The following ALK variants were observed in gnomAD, a reference collection of about 807,000 sequenced individuals.
The protein encoded by ALK is ALK receptor tyrosine kinase.
Under a neutral mutation model 163.1 loss-of-function variants are expected in ALK, and 74 were observed. That is an observed-to-expected ratio of 0.45 (90% CI 0.38 to 0.55). The LOEUF is 0.55. Among genes scored for constraint, ALK ranks in the 20% least tolerant of loss-of-function variants. The pLI, the probability that ALK is intolerant of heterozygous loss-of-function variation, is 0.00. For missense variants in ALK, 2,063 were observed against 2,105.3 expected (o/e 0.98, Z 0.39); for synonymous variants, 960 against 843.2 (o/e 1.14, Z -2.40).
chr2:29,506,357 T>C (rs1027783103), intron 4 of ALK, among the ~76,000 whole-genome samples: 5 of 152,166 alleles, frequency 3.3e-5, no homozygotes, highest in East Asian at 1.9e-4. Context: ...AGTGGGGTAA[T>C]AGAAGGCGAT....
At chr2:29,531,483 C>A (rs1673118257) in intron 4 of ALK, among the ~76,000 whole-genome samples, 1 of 152,160 alleles carries the variant, frequency 6.6e-6, no homozygotes, top group African/African-American at 2.4e-5. Flanking sequence ...GTACCAAACT[C>A]CCATAGAACC....
chr2:29,509,638 G>A (rs1672454877), intron 4 of ALK, among the ~76,000 whole-genome samples: 1 of 152,028 alleles, frequency 6.6e-6, no homozygotes, highest in African/African-American at 2.4e-5. Context: ...CTCACCCTAA[G>A]TTATGCAAAA....
intron 3 of ALK, among the ~76,000 whole-genome samples, chr2:29,559,541 T>G (rs1391601512): frequency 6.6e-6 from 1 of 152,236 alleles, no homozygotes; most frequent in Non-Finnish European, 1.5e-5. Flanking sequence ...TGAGGTTCTA[T>G]ATCTTCATTT....
intron 8 of ALK, among the ~76,000 whole-genome samples, chr2:29,299,629 C>T (rs563475310): frequency 9.2e-5 from 14 of 152,278 alleles, no homozygotes; most frequent in African/African-American, 3.1e-4. Context: ...GGCATTTTGG[C>T]TGAAGCATGG....
intron 1 of ALK, among the ~76,000 whole-genome samples, chr2:29,718,530 T>C (rs1176955313): frequency 2.6e-5 from 4 of 152,182 alleles, no homozygotes; most frequent in South Asian, 2.1e-4. Flanking sequence ...TTCTCTTTCA[T>C]AGATAGATGT....
At position 29,274,131 on chromosome 2, in the gene ALK, T is replaced by G. The variant is rs182365718; in HGVS notation, c.2041+968A>C. 8.7e-3 allele frequency among the ~76,000 whole-genome samples: 1,321 copies of G among 152,190 alleles called. 14 individuals are homozygous for G. The highest frequency in any genetic ancestry group is 0.01 in the Non-Finnish European group (706 of 67,996). ...TGACGGTTAGCCCTGGGGCAGCTTT[T>G]CATGGGACAGAAAGGAAAGGACTCC... On this transcript the variant is annotated intron_variant, in intron 11 of 28. Transcript: ENST00000389048.
At chr2:29,868,567 G>A (rs1169267149) in intron 1 of ALK, among the ~76,000 whole-genome samples, 1 of 152,150 alleles carries the variant, frequency 6.6e-6, no homozygotes, top group Admixed American at 6.5e-5. Context: ...CACTGAGAAG[G>A]TGGTTAGTGA....
intron 4 of ALK, among the ~76,000 whole-genome samples, chr2:29,481,136 G>A (rs1037757246): frequency 6.6e-6 from 1 of 152,208 alleles, no homozygotes; most frequent in African/African-American, 2.4e-5. Context: ...GAACAGCAAG[G>A]GAGTTTCAGT....
At chr2:29,216,787 G>T (rs1429490701) in intron 23 of ALK, among the ~76,000 whole-genome samples, 3 of 151,672 alleles carry the variant, frequency 2.0e-5, no homozygotes, top group African/African-American at 7.3e-5. Context: ...TGTGTGTGGT[G>T]TGTATGTGTG....
chr2:29,705,023 G>C (rs1198064295), intron 2 of ALK, among the ~76,000 whole-genome samples: 1 of 151,472 alleles, frequency 6.6e-6, no homozygotes, highest in Non-Finnish European at 1.5e-5. Flanking sequence ...TTCGAGACCA[G>C]CCTAGCCAAC....
In ALK at chr2:29,227,737, ACG is replaced by A; in HGVS notation, c.2816-67_2816-66del. The A allele has an allele frequency of 5.5e-6, 7 of 1,280,806 alleles. No individual in the cohort carries two copies. The highest frequency in any genetic ancestry group is 6.8e-6 in the Non-Finnish European group (6 of 878,584). The allele number at this position is 1,280,806 out of a possible 1,614,324, so 79.3% of individuals were successfully genotyped here. ...GGTGCCAAAATCTTAACACACACAC[ACG>A]TCAGTGGGGCATGCAGCTCTGGCCA... On this transcript the variant is annotated intron_variant, in intron 16 of 28. Coordinates refer to ENST00000389048, the MANE Select transcript of ALK (RefSeq NM_004304.5). The surrounding 1 kb of genome is among the most constrained non-coding windows in gnomAD (Gnocchi z 4.4).
At chr2:29,575,020 C>G (rs1239150766) in intron 3 of ALK, among the ~76,000 whole-genome samples, 1 of 152,164 alleles carries the variant, frequency 6.6e-6, no homozygotes, top group Non-Finnish European at 1.5e-5. Context: ...CAAACACAGC[C>G]CCGTTTCCTC....
intron 8 of ALK, among the ~76,000 whole-genome samples, chr2:29,302,900 G>C (rs1666409316): frequency 1.3e-5 from 2 of 152,136 alleles, no homozygotes; most frequent in Non-Finnish European, 2.9e-5. Context: ...TGAAATGTAA[G>C]ACATCAAACT....
chr2:29,423,338 C>T (rs879292566), intron 4 of ALK, among the ~76,000 whole-genome samples: 1 of 152,190 alleles, frequency 6.6e-6, no homozygotes, highest in African/African-American at 2.4e-5. Context: ...AAGATTGAAA[C>T]CCCAAAGCCC....
At chr2:29,245,132 G>T (rs1482236298) in intron 12 of ALK, among the ~76,000 whole-genome samples, 42 of 123,596 alleles carry the variant, frequency 3.4e-4, no homozygotes, top group African/African-American at 1.2e-3. Context: ...CAGTTGGAGC[G>T]GTATGGCTCA....
At chr2:29,203,706 G>A (rs964188003) in intron 26 of ALK, among the ~76,000 whole-genome samples, 1 of 151,326 alleles carries the variant, frequency 6.6e-6, no homozygotes, top group African/African-American at 2.4e-5. Context: ...GGCTGGTCTC[G>A]AACTCCTGAC....
At chr2:29,863,802 T>C (rs949790193) in intron 1 of ALK, among the ~76,000 whole-genome samples, 14 of 152,158 alleles carry the variant, frequency 9.2e-5, no homozygotes, top group African/African-American at 2.7e-4. Context: ...ACGAAATCAG[T>C]ACGTCAAAGA....
intron 3 of ALK, among the ~76,000 whole-genome samples, chr2:29,545,355 A>G (rs992806987): frequency 3.3e-5 from 5 of 152,210 alleles, no homozygotes; most frequent in Non-Finnish European, 4.4e-5. Flanking sequence ...TTATTTTTCA[A>G]ACTTGAATTC....
chr2:29,275,137 T>C lies in ALK; in HGVS notation c.2003A>G (p.Glu668Gly). Residue 668 changes from glutamate to glycine, a missense_variant, in exon 11 of 29, where the codon GAA becomes GGA. Coordinates refer to ENST00000389048, the MANE Select transcript of ALK (RefSeq NM_004304.5). ...RNPNKELKPGENSPRQTPIFD... is the reference protein window; with the variant it reads ...RNPNKELKPGGNSPRQTPIFD... The stretch of plus-strand genomic sequence containing the variant: ...GATGGGGGTCTGTCTTGGTGAATTT[T>C]CCCCGGGTTTCAGCTCCTTGTTTGG... 1 of 1,614,126 alleles carries C rather than the reference T, an allele frequency of 6.2e-7. No homozygotes were observed. Among genetic ancestry groups the C allele is most frequent in the Non-Finnish European group, 8.5e-7 (1 of 1,180,042 alleles).
Sources: gnomAD v4.1 joint callset for allele counts (sites outside exome capture counted in the v4.1 genomes callset) on GRCh38, gnomAD v4.1.1 for gene constraint, Gnocchi (gnomAD v3.1) non-coding constraint, MANE v1.5 for transcripts, NCBI Gene and HGNC (gene_info 2026-07-23, HGNC 2026-07-21) for gene names.